MARCHF8: variants seen among roughly 807,000 people sequenced by gnomAD.
MARCHF8 encodes E3 ubiquitin-protein ligase MARCHF8.
A neutral mutation model predicts 51.6 loss-of-function variants in MARCHF8; 40 were observed. The observed-to-expected ratio is 0.77, with a 90% CI of 0.60 to 1.01. The LOEUF is 1.01. MARCHF8 is among the 50% of genes least tolerant of loss of function. The probability of loss-of-function intolerance (pLI) is 0.00; values close to 1 mark genes in which losing one functional copy is unlikely to be tolerated. For synonymous variants in MARCHF8, 263 were observed against 280.3 expected (o/e 0.94, Z 0.62); for missense variants, 685 against 708.6 (o/e 0.97, Z 0.38).
intron 3 of MARCHF8, among the ~76,000 whole-genome samples, chr10:45,479,933 C>A (rs952591966): frequency 2.0e-5 from 3 of 152,132 alleles, no homozygotes; most frequent in Non-Finnish European, 4.4e-5. Context: ...CAGAAGAAGA[C>A]AGGAAAATGT....
At chr10:45,548,863 C>G (rs914382381) in intron 1 of MARCHF8, among the ~76,000 whole-genome samples, 2 of 151,908 alleles carry the variant, frequency 1.3e-5, no homozygotes, top group African/African-American at 4.8e-5. Flanking sequence ...AGAGTAGTGG[C>G]AGGCGCCTGT....
At chr10:45,572,866 G>A (rs974181014) in intron 1 of MARCHF8, among the ~76,000 whole-genome samples, 2 of 152,004 alleles carry the variant, frequency 1.3e-5, no homozygotes, top group Non-Finnish European at 1.5e-5. Context: ...TGGGAAGACA[G>A]TCCCAAGTCT....
intron 1 of MARCHF8, among the ~76,000 whole-genome samples, chr10:45,545,381 T>A (rs535050123): frequency 1.3e-5 from 2 of 152,338 alleles, no homozygotes; most frequent in Non-Finnish European, 2.9e-5. Flanking sequence ...AACACTGTTC[T>A]CTGTCTCAAA....
chr10:45,474,387 G>A (rs903942220), intron 3 of MARCHF8, among the ~76,000 whole-genome samples: 2 of 152,024 alleles, frequency 1.3e-5, no homozygotes, highest in Non-Finnish European at 2.9e-5. Context: ...GGTACCCCGA[G>A]ACAATGGCCC....
chr10:45,491,803 C>A (rs183200805), intron 2 of MARCHF8, among the ~76,000 whole-genome samples: 1 of 152,216 alleles, frequency 6.6e-6, no homozygotes, highest in Non-Finnish European at 1.5e-5. Context: ...CTTGGATTAT[C>A]TGTACAGAAA....
At chr10:45,571,152 A>G (rs916319008) in intron 1 of MARCHF8, among the ~76,000 whole-genome samples, 1 of 152,252 alleles carries the variant, frequency 6.6e-6, no homozygotes, top group African/African-American at 2.4e-5. Flanking sequence ...ATCTTAAAAA[A>G]GAACAAAGTT....
At chr10:45,516,681 T>C (rs2043624442) in intron 2 of MARCHF8, among the ~76,000 whole-genome samples, 1 of 152,152 alleles carries the variant, frequency 6.6e-6, no homozygotes, top group Non-Finnish European at 1.5e-5. Context: ...GGAGAATCGC[T>C]TGAACCTGGG....
chr10:45,591,933 A>T (rs942775884), intron 1 of MARCHF8, among the ~76,000 whole-genome samples: 2 of 152,172 alleles, frequency 1.3e-5, no homozygotes, highest in African/African-American at 4.8e-5. Context: ...TTTCTTCCAT[A>T]TATCAATCTG....
chr10:45,507,249 A>G (rs1337395027), intron 2 of MARCHF8, among the ~76,000 whole-genome samples: 1 of 152,192 alleles, frequency 6.6e-6, no homozygotes, highest in African/African-American at 2.4e-5. Context: ...AGGAAAAAAA[A>G]ATAGTTTTGT....
At chr10:45,511,345 G>A (rs931945871) in intron 2 of MARCHF8, among the ~76,000 whole-genome samples, 2 of 152,148 alleles carry the variant, frequency 1.3e-5, no homozygotes, top group African/African-American at 4.8e-5. Context: ...TTCATTTGCT[G>A]TAAAGGTTGT....
intron 1 of MARCHF8, among the ~76,000 whole-genome samples, chr10:45,584,455 G>T (rs2044595388): frequency 6.6e-6 from 1 of 151,986 alleles, no homozygotes; most frequent in African/African-American, 2.4e-5. Context: ...AAAACACCAT[G>T]AGATACCACT....
upstream of MARCHF8, among the ~76,000 whole-genome samples, chr10:45,538,744 AT>A (rs1159490662): frequency 6.6e-6 from 1 of 152,222 alleles, no homozygotes; most frequent in Admixed American, 6.5e-5. Context: ...TGGTAAAGGG[AT>A]CAATTCAACA....
intron 1 of MARCHF8, among the ~76,000 whole-genome samples, chr10:45,580,694 A>C (rs2133421601): frequency 6.6e-6 from 1 of 152,328 alleles, no homozygotes; most frequent in East Asian, 1.9e-4. Flanking sequence ...AAAAACATTA[A>C]GGAGGAAACA....
intron 1 of MARCHF8, among the ~76,000 whole-genome samples, chr10:45,581,157 T>C (rs1001711681): frequency 6.6e-6 from 1 of 152,122 alleles, no homozygotes; most frequent in East Asian, 1.9e-4. Context: ...ATTTTGCCAG[T>C]GTCTTGGAGA....
chr10:45,517,431 T>A (rs2043638169), intron 2 of MARCHF8, among the ~76,000 whole-genome samples: 1 of 152,086 alleles, frequency 6.6e-6, no homozygotes, highest in Admixed American at 6.5e-5. Context: ...CAGGAATGGT[T>A]TTTACCACCA....
chr10:45,530,686 T>A (rs557139918), intron 2 of MARCHF8, among the ~76,000 whole-genome samples: 9 of 152,230 alleles, frequency 5.9e-5, no homozygotes, highest in Admixed American at 4.6e-4. Flanking sequence ...GGCAGGAGGA[T>A]CATTTGAGCC....
rs1173892263 is a variant in MARCHF8 at position 45,463,491 on chromosome 10, C to T, written c.748G>A (p.Glu250Lys). ...AGTTGCCGGCTTCGGGACGTGGCCTCACCATCCGCCTTCTCTTCCAGCAGC... is the reference window on the plus strand; with the variant it reads ...AGTTGCCGGCTTCGGGACGTGGCCTTACCATCCGCCTTCTCTTCCAGCAGC... ...GLLLEEKADG[E>K]ATSRSRQLLQ... is the part of the protein sequence containing the mutation. Residue 250 changes from glutamate (E) to lysine (K), a missense_variant, in exon 5 of 8, where the codon GAG (glutamate) becomes AAG (lysine). Transcript: ENST00000453424. 6.4e-7 allele frequency: 1 copy of T among 1,550,660 alleles called. No individual in the cohort carries two copies. The highest frequency in any genetic ancestry group is 2.4e-5 in the East Asian group (1 of 40,920).
intron 1 of MARCHF8, among the ~76,000 whole-genome samples, chr10:45,544,715 A>T (rs1305547763): frequency 6.6e-6 from 1 of 152,144 alleles, no homozygotes; most frequent in Non-Finnish European, 1.5e-5. Context: ...ACTATCTGCA[A>T]ATGGGCAAGA....
In MARCHF8 at chr10:45,455,878, G is replaced by C. The variant is rs564462930; in HGVS notation, c.*2361C>G. On this transcript the variant is annotated 3_prime_UTR_variant, in exon 8 of 8. Coordinates refer to ENST00000453424, the MANE Select transcript of MARCHF8 (RefSeq NM_001282866.2). ...AAAGAAGGGAGAGGGCTTCCCATGA[G>C]AATCTGGCTGGGCATGGGAGGGATA... 6.6e-6 allele frequency: 1 copy of C among 152,408 alleles called. No individual in the cohort carries two copies. Among genetic ancestry groups the C allele is most frequent in the African/African-American group, 2.4e-5 (1 of 41,466 alleles). 9.4% of individuals were successfully genotyped at this position (152,408 alleles called of 1,614,324 possible).
Sources: allele counts gnomAD v4.1 joint callset (sites outside exome capture counted in the v4.1 genomes callset), GRCh38; gene constraint gnomAD v4.1.1; transcripts MANE v1.5; gene names NCBI Gene and HGNC (gene_info 2026-07-23, HGNC 2026-07-21).